Variants in SHANK2 observed in about 807,000 individuals in gnomAD.
SHANK2 encodes SH3 and multiple ankyrin repeat domains 2.
A neutral mutation model predicts 133.7 loss-of-function variants in SHANK2; 43 were observed. The observed-to-expected ratio is 0.32, with a 90% CI of 0.25 to 0.41. The LOEUF (loss-of-function observed/expected upper bound fraction) is 0.41. SHANK2 is among the 10% of genes least tolerant of loss of function. The pLI is 1.00. For missense variants in SHANK2, 1,994 were observed against 2,235.8 expected (o/e 0.89, Z 2.18); for synonymous variants, 1,017 against 952.8 (o/e 1.07, Z -1.24).
intron 3 of SHANK2, among the ~76,000 whole-genome samples, chr11:71,145,088 A>G (rs782746444): frequency 6.6e-6 from 1 of 152,202 alleles, no homozygotes; most frequent in Non-Finnish European, 1.5e-5. Context: ...AGGAACTCCA[A>G]AAGACCACGC....
intron 11 of SHANK2, among the ~76,000 whole-genome samples, chr11:70,892,866 C>T (rs1463815585): frequency 6.6e-6 from 1 of 152,130 alleles, no homozygotes; most frequent in Non-Finnish European, 1.5e-5. Flanking sequence ...CTGCAGGTTC[C>T]CAGAGGACCC....
chr11:70,659,014 A>G (rs1555012443), intron 17 of SHANK2, among the ~76,000 whole-genome samples: 1 of 152,188 alleles, frequency 6.6e-6, no homozygotes, highest in Non-Finnish European at 1.5e-5. Flanking sequence ...AACCTGTAAC[A>G]TTCTTTTCTT....
intron 1 of SHANK2, among the ~76,000 whole-genome samples, chr11:71,242,829 GC>G (rs1954913334): frequency 1.3e-5 from 2 of 152,214 alleles, no homozygotes; most frequent in Admixed American, 1.3e-4. Flanking sequence ...CTCATGCCCG[GC>G]TATAAAACAG....
At chr11:71,189,468 C>T (rs1953745621) in intron 2 of SHANK2, among the ~76,000 whole-genome samples, 1 of 152,232 alleles carries the variant, frequency 6.6e-6, no homozygotes, top group South Asian at 2.1e-4. Flanking sequence ...ACAATCACGG[C>T]TCGCTGCAGC....
chr11:71,163,093 A>AAAAACATATATATATATATATATAT, intron 2 of SHANK2, among the ~76,000 whole-genome samples: 4 of 84,706 alleles, frequency 4.7e-5, no homozygotes, highest in African/African-American at 1.4e-4. Context: ...AAAAAAAAAA[A>AAAAACATATATATATATATATATAT]ATACATATAT....
intron 9 of SHANK2, among the ~76,000 whole-genome samples, chr11:71,073,471 TA>T (rs1292845205): frequency 1.3e-5 from 2 of 151,952 alleles, no homozygotes; most frequent in African/African-American, 4.8e-5. Flanking sequence ...CTTGCTTTTT[TA>T]ATTTTTATTT....
intron 7 of SHANK2, 97 bp from the exon 8 acceptor site, chr11:71,092,686 A>G: frequency 1.6e-6 from 2 of 1,235,298 alleles, no homozygotes; most frequent in Admixed American, 2.1e-5. Context: ...ACCCTCCCCC[A>G]GGTCAAGGCA....
chr11:71,193,641 C>A (rs1388032993), intron 2 of SHANK2, among the ~76,000 whole-genome samples: 1 of 152,230 alleles, frequency 6.6e-6, no homozygotes, highest in South Asian at 2.1e-4. Context: ...AGCTCTCCAG[C>A]CTGCTCCGGC....
At chr11:70,534,243 C>T (rs568179207) in intron 17 of SHANK2, among the ~76,000 whole-genome samples, 3 of 152,324 alleles carry the variant, frequency 2.0e-5, no homozygotes, top group South Asian at 4.1e-4. Context: ...GAAGCAAACA[C>T]GTCCTTCCTC....
In SHANK2 at chr11:71,057,990, A is replaced by C. The variant is rs1010242263; in HGVS notation, c.1030-1432T>G. ...GTGCAGCGGTGCGATCACAGCTCAC[A>C]GCAGCCTCGACCTCCCACCTCAACC... On this transcript the variant is annotated intron_variant, in intron 9 of 25. Transcript: ENST00000601538. Among the ~76,000 whole-genome samples, 678 of 143,062 alleles carry C rather than the reference A, an allele frequency of 4.7e-3. 10 individuals carry two copies. Among genetic ancestry groups the C allele is most frequent in the African/African-American group, 0.018 (653 of 36,360 alleles). 93.9% of individuals were successfully genotyped at this position (143,062 alleles called of 152,430 possible).
chr11:70,538,127 C>T (rs960508579), intron 17 of SHANK2, among the ~76,000 whole-genome samples: 2 of 152,210 alleles, frequency 1.3e-5, no homozygotes, highest in Non-Finnish European at 2.9e-5. Context: ...AGTGGGGATT[C>T]AGGCGGTCAC....
intron 10 of SHANK2, among the ~76,000 whole-genome samples, chr11:70,950,442 C>A (rs1352432007): frequency 6.6e-6 from 1 of 152,082 alleles, no homozygotes; most frequent in African/African-American, 2.4e-5. Context: ...CCGCCCGCTT[C>A]AGCCCCCCAA....
chr11:70,655,522 T>C (rs17161019), intron 17 of SHANK2, among the ~76,000 whole-genome samples: 3,692 of 152,006 alleles, frequency 0.024, 132 homozygotes, highest in African/African-American at 0.085. Flanking sequence ...GCTTGTAGGG[T>C]TTGGAGATCC....
intron 10 of SHANK2, among the ~76,000 whole-genome samples, chr11:70,919,597 G>T (rs1432018123): frequency 6.6e-6 from 1 of 152,124 alleles, no homozygotes; most frequent in African/African-American, 2.4e-5. Flanking sequence ...GGCCAGGCTG[G>T]TCTCGAACTC....
At chr11:70,554,868 A>C (rs1591573823) in intron 17 of SHANK2, among the ~76,000 whole-genome samples, 1 of 140,624 alleles carries the variant, frequency 7.1e-6, no homozygotes, top group Admixed American at 7.4e-5. Flanking sequence ...ATATACAGGC[A>C]CACCTCACTT....
chr11:70,497,611 A>C (rs2058990629), intron 21 of SHANK2, among the ~76,000 whole-genome samples: 1 of 152,032 alleles, frequency 6.6e-6, no homozygotes, highest in South Asian at 2.1e-4. Flanking sequence ...TAGGTTTGTC[A>C]CCTGCCTGTT....
At chr11:71,076,222 C>T (rs907793273) in intron 8 of SHANK2, among the ~76,000 whole-genome samples, 3 of 152,160 alleles carry the variant, frequency 2.0e-5, no homozygotes, top group Non-Finnish European at 2.9e-5. Context: ...AAAAGTCGGT[C>T]CTGACCTAAC....
chr11:70,648,897 T>C (rs868919514), intron 17 of SHANK2, among the ~76,000 whole-genome samples: 2 of 152,106 alleles, frequency 1.3e-5, no homozygotes, highest in Non-Finnish European at 2.9e-5. Flanking sequence ...GTCCCTTATC[T>C]GATGGGGCAT....
intron 17 of SHANK2, among the ~76,000 whole-genome samples, chr11:70,562,750 A>G (rs1941756): frequency 0.97 from 147,211 of 152,300 alleles, 71,352 homozygotes; most frequent in East Asian, 1. Context: ...TGCATTTAAT[A>G]TGTGATTATT....
Sources: gnomAD v4.1 joint callset for allele counts (sites outside exome capture counted in the v4.1 genomes callset) on GRCh38, gnomAD v4.1.1 for gene constraint, MANE v1.5 for transcripts, NCBI Gene and HGNC (gene_info 2026-07-23, HGNC 2026-07-21) for gene names.